The following PAPSS1 variants were observed in gnomAD, a reference collection of about 807,000 sequenced individuals.
PAPSS1 encodes 3'-phosphoadenosine 5'-phosphosulfate synthase 1.
In PAPSS1, 50 loss-of-function variants were observed where a neutral mutation model predicts 72.0. That is an observed-to-expected ratio of 0.69 (90% CI 0.55 to 0.88). The LOEUF (loss-of-function observed/expected upper bound fraction) is 0.88. Among genes scored for constraint, PAPSS1 ranks in the 40% least tolerant of loss-of-function variants. The pLI is 0.00. For missense variants in PAPSS1, 657 were observed against 782.2 expected (o/e 0.84, Z 1.91); for synonymous variants, 261 against 263.6 (o/e 0.99, Z 0.09).
intron 2 of PAPSS1, among the ~76,000 whole-genome samples, chr4:107,695,751 GT>G (rs1723049525): frequency 6.6e-6 from 1 of 152,114 alleles, no homozygotes; most frequent in African/African-American, 2.4e-5. Context: ...TAATCATGTG[GT>G]TTTTGTTATT....
intron 9 of PAPSS1, among the ~76,000 whole-genome samples, chr4:107,649,805 T>G (rs1171851713): frequency 6.6e-6 from 1 of 152,260 alleles, no homozygotes; most frequent in Non-Finnish European, 1.5e-5. Flanking sequence ...AGAAATTATG[T>G]CAACTCTTCC....
At chr4:107,702,278 C>T (rs182562862) in intron 1 of PAPSS1, among the ~76,000 whole-genome samples, 16 of 152,188 alleles carry the variant, frequency 1.1e-4, no homozygotes, top group Non-Finnish European at 1.8e-4. Flanking sequence ...TCAAAATGTT[C>T]AATACAGAGT....
intron 5 of PAPSS1, among the ~76,000 whole-genome samples, chr4:107,676,564 G>A (rs1327926634): frequency 6.6e-6 from 1 of 152,174 alleles, no homozygotes; most frequent in Non-Finnish European, 1.5e-5. Flanking sequence ...AACATTCCAT[G>A]CTCATGGGTA....
intron 5 of PAPSS1, among the ~76,000 whole-genome samples, chr4:107,670,885 G>GT (rs1727449959): frequency 6.6e-6 from 1 of 151,978 alleles, no homozygotes; most frequent in Non-Finnish European, 1.5e-5. Context: ...GGAAAAATCA[G>GT]TAAGTGTTTT....
At chr4:107,666,623 G>A (rs1004329623) in intron 5 of PAPSS1, among the ~76,000 whole-genome samples, 2 of 152,156 alleles carry the variant, frequency 1.3e-5, no homozygotes, top group African/African-American at 2.4e-5. Flanking sequence ...CCGTTGTACA[G>A]CATACTAAAA....
chr4:107,623,391 GAC>G (rs1726018784), intron 11 of PAPSS1, among the ~76,000 whole-genome samples: 1 of 152,108 alleles, frequency 6.6e-6, no homozygotes. Flanking sequence ...CGAGACCTAG[GAC>G]ACTGATGTGC....
At chr4:107,644,513 G>A (rs751625768) in intron 10 of PAPSS1, among the ~76,000 whole-genome samples, 2 of 152,170 alleles carry the variant, frequency 1.3e-5, no homozygotes, top group Admixed American at 6.5e-5. Context: ...AGAGGAGCTT[G>A]TGGCATACCT....
chr4:107,687,282 G>A, intron 3 of PAPSS1, 105 bp from the exon 4 acceptor site: 3 of 762,620 alleles, frequency 3.9e-6, no homozygotes, highest in South Asian at 2.8e-5. Flanking sequence ...GTGGGAAATA[G>A]ACAAAATTTA....
intron 10 of PAPSS1, among the ~76,000 whole-genome samples, chr4:107,639,706 G>A (rs1055048400): frequency 6.6e-6 from 1 of 152,210 alleles, no homozygotes; most frequent in Non-Finnish European, 1.5e-5. Context: ...TCTATGGCTT[G>A]TATAATTAGA....
At chr4:107,643,725 AT>A (rs966405251) in intron 10 of PAPSS1, among the ~76,000 whole-genome samples, 4 of 152,064 alleles carry the variant, frequency 2.6e-5, no homozygotes, top group African/African-American at 7.2e-5. Flanking sequence ...ATGATAAAAA[AT>A]TTTTTTTAAT....
At chr4:107,638,707 C>G (rs773687106) in intron 10 of PAPSS1, among the ~76,000 whole-genome samples, 8 of 152,128 alleles carry the variant, frequency 5.3e-5, no homozygotes, top group Non-Finnish European at 1.0e-4. Flanking sequence ...GGTGATAAAG[C>G]ACTGGAAAGT....
Position 107,654,716 on chromosome 4 carries a change from G to A in PAPSS1, c.1080C>T (p.Cys360=). The change falls in exon 8 of 12, where the codon TGC becomes TGT. Residue 360 remains cysteine, a synonymous_variant. Transcript: ENST00000265174. Reference sequence around the variant, plus strand: ...GCACCTTAATATAGGGGTGGTTCTTGCATGTCGTTCCCCACTGTCTGGCAC... The same window carrying A: ...GCACCTTAATATAGGGGTGGTTCTTACATGTCGTTCCCCACTGTCTGGCAC... The part of the protein sequence containing the change: ...ERCARQWGTT[C]KNHPYIKMVM... 1 of 1,612,964 alleles carries A rather than the reference G, an allele frequency of 6.2e-7. No individual in the cohort carries two copies. The highest frequency in any genetic ancestry group is 8.5e-7 in the Non-Finnish European group (1 of 1,179,734).
intron 9 of PAPSS1, among the ~76,000 whole-genome samples, chr4:107,651,656 C>A (rs1418949737): frequency 1.3e-5 from 2 of 152,090 alleles, no homozygotes; most frequent in African/African-American, 4.8e-5. Flanking sequence ...CTTGTGAGAA[C>A]TTACTGTCAC....
chr4:107,715,803 T>C (rs1052884212), intron 1 of PAPSS1, among the ~76,000 whole-genome samples: 7 of 152,246 alleles, frequency 4.6e-5, no homozygotes, highest in African/African-American at 1.7e-4. Context: ...ATAGTACTCA[T>C]GTGCCAGGAA....
At chr4:107,703,414 C>CAAA (rs35894658) in intron 1 of PAPSS1, among the ~76,000 whole-genome samples, 1 of 144,560 alleles carries the variant, frequency 6.9e-6, no homozygotes. Context: ...GAGTCATATC[C>CAAA]AAAAAAAAAA....
intron 10 of PAPSS1, among the ~76,000 whole-genome samples, chr4:107,642,269 C>T (rs983766887): frequency 6.6e-5 from 10 of 151,898 alleles, no homozygotes; most frequent in East Asian, 1.9e-4. Context: ...AATATTTTAA[C>T]GTTATATAAT....
chr4:107,682,774 A>T (rs1456492863), intron 4 of PAPSS1, among the ~76,000 whole-genome samples: 1 of 152,352 alleles, frequency 6.6e-6, no homozygotes, highest in East Asian at 1.9e-4. Flanking sequence ...ACACTAAGTC[A>T]ATCTGTCCAG....
intron 1 of PAPSS1, among the ~76,000 whole-genome samples, chr4:107,705,634 G>A (rs1480325235): frequency 1.3e-5 from 2 of 152,232 alleles, no homozygotes; most frequent in Non-Finnish European, 1.5e-5. Context: ...GAACTCAACA[G>A]TGAAGACATC....
At chr4:107,639,232 TAATGA>T (rs1726472692) in intron 10 of PAPSS1, among the ~76,000 whole-genome samples, 1 of 152,244 alleles carries the variant, frequency 6.6e-6, no homozygotes, top group Non-Finnish European at 1.5e-5. Context: ...TGATGCTTCC[TAATGA>T]AATAAGTTCA....
Sources: allele counts gnomAD v4.1 joint callset (sites outside exome capture counted in the v4.1 genomes callset), GRCh38; gene constraint gnomAD v4.1.1; transcripts MANE v1.5; gene names NCBI Gene and HGNC (gene_info 2026-07-23, HGNC 2026-07-21).